The following FRMPD4 variants were observed in gnomAD, a reference collection of about 807,000 sequenced individuals.
The protein encoded by FRMPD4 is FERM and PDZ domain containing 4, also known as FERM and PDZ domain-containing protein 4.
A neutral mutation model predicts 94.1 loss-of-function variants in FRMPD4; 22 were observed. The ratio of observed to expected loss-of-function variants is 0.23; its 90% CI spans 0.17 to 0.33. The LOEUF is 0.33. Ranked by LOEUF, FRMPD4 falls within the 10% of genes least tolerant of loss-of-function variation. The pLI, the probability that FRMPD4 is intolerant of heterozygous loss-of-function variation, is 1.00. For synonymous variants in FRMPD4, 631 were observed against 548.6 expected, an observed-to-expected ratio of 1.15 and a Z score of -2.10; for missense variants, 1,111 against 1,339.9, an observed-to-expected ratio of 0.83 and a Z score of 2.67.
chrX:11,962,557 G>C (rs2054289241), intron 3 of FRMPD4, among the ~76,000 whole-genome samples: 1 of 112,023 alleles, frequency 8.9e-6, no homozygotes, highest in African/African-American at 3.2e-5. Context: ...CACCTTTGAG[G>C]AGGGGCACTG....
intron 3 of FRMPD4, among the ~76,000 whole-genome samples, chrX:11,907,007 A>G (rs1359978486): frequency 9.0e-6 from 1 of 110,885 alleles, no homozygotes; most frequent in African/African-American, 3.3e-5. Flanking sequence ...TAGTGAATTT[A>G]TCATTTTAGT....
intron 1 of FRMPD4, among the ~76,000 whole-genome samples, chrX:12,193,672 A>G (rs1399559643): frequency 2.9e-5 from 3 of 103,752 alleles, no homozygotes; most frequent in African/African-American, 1.1e-4. Context: ...CGAAAAAAGA[A>G]AGAGAAAGAG....
chrX:12,559,453 A>T (rs191674228), intron 2 of FRMPD4, among the ~76,000 whole-genome samples: 586 of 111,094 alleles, frequency 5.3e-3, no homozygotes, highest in Middle Eastern at 0.014. Context: ...AGTTTGAGAC[A>T]AGCCTGGCCA....
At chrX:12,316,477 A>G (rs2055118782) in intron 1 of FRMPD4, among the ~76,000 whole-genome samples, 1 of 112,237 alleles carries the variant, frequency 8.9e-6, no homozygotes, top group African/African-American at 3.2e-5. Flanking sequence ...TTAAAAAGCA[A>G]CAGCTTAGGT....
At chrX:11,884,734 G>T (rs762249041) in intron 3 of FRMPD4, among the ~76,000 whole-genome samples, 1 of 111,388 alleles carries the variant, frequency 9.0e-6, no homozygotes, top group Non-Finnish European at 1.9e-5. Context: ...CTTAAAAAGA[G>T]CTTTATTACC....
At chrX:11,935,095 T>TA (rs1555914064) in intron 3 of FRMPD4, among the ~76,000 whole-genome samples, 3 of 49,005 alleles carry the variant, frequency 6.1e-5, no homozygotes, top group Admixed American at 2.5e-4. Context: ...TTTTTTTTTT[T>TA]AAATTTAACA....
intron 3 of FRMPD4, among the ~76,000 whole-genome samples, chrX:12,045,478 C>A (rs949295912): frequency 1.8e-5 from 2 of 111,003 alleles, no homozygotes; most frequent in Non-Finnish European, 3.8e-5. Flanking sequence ...ATTATTCACT[C>A]ATTCCTTGGC....
At chrX:12,420,634 C>A (rs2056871193) in intron 1 of FRMPD4, among the ~76,000 whole-genome samples, 1 of 112,182 alleles carries the variant, frequency 8.9e-6, no homozygotes, top group African/African-American at 3.2e-5. Context: ...CCCATTTACA[C>A]CTTCTTACCC....
intron 3 of FRMPD4, among the ~76,000 whole-genome samples, chrX:12,023,350 A>G (rs781256839): frequency 2.7e-5 from 3 of 111,527 alleles, no homozygotes; most frequent in Non-Finnish European, 5.7e-5. Flanking sequence ...AGGAGACCCA[A>G]GAAGTTCAGA....
At chrX:12,515,989 A>C (rs1162210901) in intron 2 of FRMPD4, among the ~76,000 whole-genome samples, 1 of 111,174 alleles carries the variant, frequency 9.0e-6, no homozygotes, top group Non-Finnish European at 1.9e-5. Flanking sequence ...TGTTGGTTTA[A>C]AGTCTGTTTT....
At chrX:12,221,835 G>T (rs757956339) in intron 1 of FRMPD4, among the ~76,000 whole-genome samples, 2 of 111,780 alleles carry the variant, frequency 1.8e-5, no homozygotes, top group South Asian at 7.5e-4. Context: ...AGGTAGAAAT[G>T]ATATAATAGC....
intron 1 of FRMPD4, among the ~76,000 whole-genome samples, chrX:12,141,010 G>C (rs1257322137): frequency 8.9e-6 from 1 of 111,840 alleles, no homozygotes; most frequent in Non-Finnish European, 1.9e-5. Flanking sequence ...GTGAGCCCGA[G>C]GATGGTCCCC....
chrX:12,261,214 C>T (rs1160449299), intron 1 of FRMPD4, among the ~76,000 whole-genome samples: 1 of 111,730 alleles, frequency 9.0e-6, no homozygotes, highest in Non-Finnish European at 1.9e-5. Flanking sequence ...TAGCTCATCA[C>T]CTTTAAATCC....
intron 3 of FRMPD4, among the ~76,000 whole-genome samples, chrX:11,881,161 A>C (rs898478430): frequency 1.8e-5 from 2 of 112,579 alleles, no homozygotes; most frequent in Non-Finnish European, 3.7e-5. Context: ...GCTGGCAAGG[A>C]TGTGGAACAA....
intron 2 of FRMPD4, chrX:12,583,513 G>A (rs1370501424): frequency 9.0e-7 from 1 of 1,105,278 alleles, no homozygotes; most frequent in African/African-American, 1.8e-5. Flanking sequence ...TCTACGTGCC[G>A]GGAGCGTTCC....
intron 4 of FRMPD4, among the ~76,000 whole-genome samples, chrX:12,662,361 C>T (rs977847102): frequency 1.8e-5 from 2 of 109,637 alleles, no homozygotes; most frequent in African/African-American, 6.7e-5. Context: ...AGCCCCCCAC[C>T]CCCCGACAGG....
At position 12,571,206 on chromosome X, in the gene FRMPD4, G is replaced by A. The variant is rs183489258; in HGVS notation, c.159-38515G>A. 9.9e-4 allele frequency among the ~76,000 whole-genome samples: 111 copies of A among 112,408 alleles called. 1 individual carries two copies. Among genetic ancestry groups the A allele is most frequent in the African/African-American group, 3.3e-3 (102 of 30,980 alleles). ...CCAGGCATGCCTGTGAAATACTTAA[G>A]TGAAAGCTACACAAATGATCACAAC... On this transcript the variant is annotated intron_variant, in intron 2 of 16. Coordinates refer to ENST00000675598, the MANE Select transcript of FRMPD4 (RefSeq NM_001368397.1).
At chrX:12,142,201 C>T (rs1484706632) in intron 1 of FRMPD4, among the ~76,000 whole-genome samples, 2 of 111,454 alleles carry the variant, frequency 1.8e-5, no homozygotes, top group Non-Finnish European at 3.8e-5. Context: ...TTTGCATTTT[C>T]TTATAGTTGC....
chrX:12,462,999 A>G (rs2057406267), intron 1 of FRMPD4, among the ~76,000 whole-genome samples: 1 of 111,897 alleles, frequency 8.9e-6, no homozygotes, highest in Non-Finnish European at 1.9e-5. Flanking sequence ...AAAAAATCAA[A>G]TTGCTGTTAA....
Sources: allele counts gnomAD v4.1 joint callset (sites outside exome capture counted in the v4.1 genomes callset), GRCh38; gene constraint gnomAD v4.1.1; transcripts MANE v1.5; gene names NCBI Gene and HGNC (gene_info 2026-07-23, HGNC 2026-07-21).